Variants in ELFN1 observed in about 807,000 individuals in gnomAD.
ELFN1 encodes the protein protein ELFN1.
Under a neutral mutation model 7.6 loss-of-function variants are expected in ELFN1, and 6 were observed. That is an observed-to-expected ratio of 0.79 (90% CI 0.43 to 1.56). The LOEUF is 1.56. ELFN1 is among the 40% of genes most tolerant of loss of function. The pLI, the probability that ELFN1 is intolerant of heterozygous loss-of-function variation, is 0.01. For missense variants in ELFN1, 1,169 were observed against 1,232.2 expected, an observed-to-expected ratio of 0.95 and a Z score of 0.77; for synonymous variants, 657 against 588.1, an observed-to-expected ratio of 1.12 and a Z score of -1.70.
chr7:1,683,907 G>A (rs1007682440), intron 1 of ELFN1, among the ~76,000 whole-genome samples: 10 of 152,144 alleles, frequency 6.6e-5, no homozygotes, highest in African/African-American at 2.4e-4. Context: ...CCAGCACTTT[G>A]GGAGGCCAAG....
chr7:1,667,806 T>G (rs952266200), upstream of ELFN1, among the ~76,000 whole-genome samples: 1 of 151,972 alleles, frequency 6.6e-6, no homozygotes. The surrounding 1 kb of genome is among the most constrained non-coding windows in gnomAD (Gnocchi z 8.2). Context: ...GCAGGGGGCG[T>G]GGAGCGCGGC....
At chr7:1,691,349 A>G (rs1362465129) in intron 2 of ELFN1, among the ~76,000 whole-genome samples, 12 of 152,186 alleles carry the variant, frequency 7.9e-5, no homozygotes, top group South Asian at 2.1e-4. Context: ...CAAGGCTGCC[A>G]CCTTCTGCTC....
intron 3 of ELFN1, among the ~76,000 whole-genome samples, chr7:1,742,956 C>A (rs761471632): frequency 6.6e-6 from 1 of 152,370 alleles, no homozygotes; most frequent in African/African-American, 2.4e-5. Context: ...GGCCACGGCT[C>A]GGTGACAGAG....
intron 2 of ELFN1, among the ~76,000 whole-genome samples, chr7:1,701,923 A>G (rs1006572486): frequency 1.3e-5 from 2 of 152,150 alleles, no homozygotes; most frequent in African/African-American, 2.4e-5. Flanking sequence ...AGTTGACTTT[A>G]TACGTGATGG....
rs533246926 is a variant in ELFN1, at chr7:1,672,914, C to T, written c.-549+2560C>T. ...CCCGGGTGGGTGGTGCATAAATACA[C>T]GAGGGGGCCGGTGGCGGGGCGGGGG... is the stretch of plus-strand genomic sequence containing the variant. On this transcript the variant is annotated intron_variant, in intron 1 of 3. Coordinates refer to ENST00000424383, the MANE Select transcript of ELFN1 (RefSeq NM_001128636.4). Among the ~76,000 whole-genome samples the T allele has an allele frequency of 4.0e-5, 6 of 151,666 alleles. No homozygotes were observed. In the East Asian group the frequency reaches 1.2e-3, roughly 29 times the overall value.
intron 2 of ELFN1, among the ~76,000 whole-genome samples, chr7:1,696,346 CAG>C (rs1779313075): frequency 6.7e-6 from 1 of 148,404 alleles, no homozygotes; most frequent in Non-Finnish European, 1.5e-5. Context: ...GAAAGAGAGA[CAG>C]GGAGAGAGAG....
intron 2 of ELFN1, among the ~76,000 whole-genome samples, chr7:1,704,635 G>C (rs529786775): frequency 1.3e-5 from 2 of 152,240 alleles, no homozygotes; most frequent in East Asian, 3.9e-4. Context: ...TACGCAGTCA[G>C]ATCACCCACT....
At chr7:1,729,665 T>G (rs868754502) in intron 3 of ELFN1, among the ~76,000 whole-genome samples, 1 of 152,028 alleles carries the variant, frequency 6.6e-6, no homozygotes, top group Non-Finnish European at 1.5e-5. Context: ...AGACCCTGTG[T>G]CTCAGCAGGG....
intron 2 of ELFN1, among the ~76,000 whole-genome samples, chr7:1,708,389 G>A (rs117210430): frequency 0.03 from 4,592 of 152,302 alleles, 100 homozygotes; most frequent in Non-Finnish European, 0.048. Flanking sequence ...ACCTGTGGGC[G>A]GCATAGTTCA....
intron 1 of ELFN1, among the ~76,000 whole-genome samples, chr7:1,682,225 A>G (rs1216955220): frequency 6.6e-6 from 1 of 152,138 alleles, no homozygotes; most frequent in African/African-American, 2.4e-5. Context: ...TTCTTCTAGG[A>G]CGTTTATAGC....
intron 3 of ELFN1, among the ~76,000 whole-genome samples, chr7:1,732,072 G>T (rs1287958964): frequency 1.3e-5 from 2 of 152,212 alleles, no homozygotes; most frequent in Admixed American, 6.5e-5. Context: ...CGAGCTTTCG[G>T]TGCAGAAGGT....
chr7:1,722,499 C>A (rs570693212), intron 3 of ELFN1, among the ~76,000 whole-genome samples: 3 of 151,958 alleles, frequency 2.0e-5, no homozygotes, highest in African/African-American at 7.2e-5. Context: ...GAACTCCTGA[C>A]CTCTGGTGAT....
intron 2 of ELFN1, among the ~76,000 whole-genome samples, chr7:1,706,016 T>C (rs1411021050): frequency 6.6e-6 from 1 of 152,188 alleles, no homozygotes; most frequent in African/African-American, 2.4e-5. Context: ...TTCCAGGGGC[T>C]TGTCCAGGTC....
intron 3 of ELFN1, among the ~76,000 whole-genome samples, chr7:1,723,219 T>C (rs1239482853): frequency 6.6e-6 from 1 of 151,964 alleles, no homozygotes; most frequent in Non-Finnish European, 1.5e-5. Flanking sequence ...TTCATAGTGG[T>C]CAAATATACA....
intron 3 of ELFN1, among the ~76,000 whole-genome samples, chr7:1,729,218 A>G (rs1216209483): frequency 1.3e-5 from 2 of 152,204 alleles, no homozygotes; most frequent in African/African-American, 4.8e-5. Context: ...GTGAGCTTGG[A>G]GGAGGCCTGG....
In ELFN1 at chr7:1,744,571, T is replaced by C. The variant is rs1201818547; in HGVS notation, c.-26T>C. 6 of 1,467,906 alleles carry C rather than the reference T, an allele frequency of 4.1e-6. No homozygotes were observed. Among genetic ancestry groups the C allele is most frequent in the Middle Eastern group, 2.2e-4 (1 of 4,558 alleles). 90.9% of individuals were successfully genotyped at this position (1,467,906 alleles called of 1,614,324 possible). A position where few individuals can be genotyped will look rare whatever the true frequency, so the allele number is the denominator to read the frequency against. On this transcript the variant is annotated 5_prime_UTR_variant, in exon 4 of 4. Coordinates refer to ENST00000424383, the MANE Select transcript of ELFN1 (RefSeq NM_001128636.4). ...ACCTGGTCCCCCTGGGCAGGCTGAATTGGGGCTCCCTGCAGGGCGGTCCCG... is the reference window on the plus strand; with the variant it reads ...ACCTGGTCCCCCTGGGCAGGCTGAACTGGGGCTCCCTGCAGGGCGGTCCCG...
upstream of ELFN1, among the ~76,000 whole-genome samples, chr7:1,669,967 T>C (rs72575928): frequency 0.55 from 81,419 of 147,988 alleles, 23,795 homozygotes; most frequent in African/African-American, 0.79. Flanking sequence ...CTCCCCTCCT[T>C]CCCCAGCCCC....
At chr7:1,680,186 C>G (rs1298339729) in intron 1 of ELFN1, among the ~76,000 whole-genome samples, 1 of 152,234 alleles carries the variant, frequency 6.6e-6, no homozygotes, top group African/African-American at 2.4e-5. Flanking sequence ...CTTGGGCACT[C>G]TGGCTCATTC....
Position 1,673,479 on chromosome 7 carries a change from C to T in ELFN1, c.-549+3125C>T, listed in dbSNP as rs985368612. ...AGCTATGGGCACTCGAGCCCAGCAC[C>T]GTGCCCCCCCTCCCCGCCCCCTGCC... On this transcript the variant is annotated intron_variant, in intron 1 of 3. Transcript: ENST00000424383. This position sits in a 1 kb window ranked among gnomAD's most constrained non-coding sequence, Gnocchi z 4.7. Among the ~76,000 whole-genome samples the T allele has an allele frequency of 1.2e-4, 18 of 152,020 alleles. No individual in the cohort carries two copies. The highest frequency in any genetic ancestry group is 2.7e-4 in the African/African-American group (11 of 41,420).
Sources: gnomAD v4.1 joint callset for allele counts (sites outside exome capture counted in the v4.1 genomes callset) on GRCh38, gnomAD v4.1.1 for gene constraint, Gnocchi (gnomAD v3.1) non-coding constraint, MANE v1.5 for transcripts, NCBI Gene and HGNC (gene_info 2026-07-23, HGNC 2026-07-21) for gene names.